Variants in PLCB4 observed in about 807,000 individuals in gnomAD.
PLCB4 encodes 1-phosphatidylinositol 4,5-bisphosphate phosphodiesterase beta-4.
In PLCB4, 77 loss-of-function variants were observed where a neutral mutation model predicts 178.8. That is an observed-to-expected ratio of 0.43 (90% CI 0.36 to 0.52). The LOEUF (loss-of-function observed/expected upper bound fraction) is 0.52. Ranked by LOEUF, PLCB4 falls within the 20% of genes least tolerant of loss-of-function variation. The pLI, the probability that PLCB4 is intolerant of heterozygous loss-of-function variation, is 0.00. For synonymous variants in PLCB4, 496 were observed against 490.8 expected (o/e 1.01, Z -0.14); for missense variants, 1,024 against 1,453.4 (o/e 0.70, Z 4.80).
chr20:9,123,211 T>TA (rs927510296), intron 2 of PLCB4, among the ~76,000 whole-genome samples: 2 of 152,082 alleles, frequency 1.3e-5, no homozygotes, highest in African/African-American at 4.8e-5. Flanking sequence ...TACAGTCTAT[T>TA]AAAAAAAGTA....
intron 2 of PLCB4, among the ~76,000 whole-genome samples, chr20:9,153,541 CTCCCTAACCATGTGGAACTGTA>C (rs982878284): frequency 2.0e-5 from 3 of 152,288 alleles, no homozygotes; most frequent in Admixed American, 6.5e-5. Context: ...ATTCTGAGGC[CTCCCTAACCATGTGGAACTGTA>C]AGTCCAATTA....
chr20:9,355,541 G>A (rs529552330), intron 7 of PLCB4, among the ~76,000 whole-genome samples: 16 of 151,910 alleles, frequency 1.1e-4, no homozygotes, highest in African/African-American at 2.7e-4. Context: ...GAGAACATTC[G>A]GTGTTTGGTT....
intron 2 of PLCB4, among the ~76,000 whole-genome samples, chr20:9,109,205 G>T (rs534080219): frequency 6.6e-6 from 1 of 152,274 alleles, no homozygotes; most frequent in South Asian, 2.1e-4. Flanking sequence ...AAAATGGTGT[G>T]GCTATAAGAG....
chr20:9,435,739 G>A, intron 29 of PLCB4, 91 bp downstream of exon 29: 1 of 736,410 alleles, frequency 1.4e-6, no homozygotes, highest in Non-Finnish European at 2.4e-6. Flanking sequence ...TAATGAATTA[G>A]CAAATTTAAG....
At chr20:9,194,038 T>A (rs543336151) in intron 2 of PLCB4, among the ~76,000 whole-genome samples, 5 of 152,310 alleles carry the variant, frequency 3.3e-5, no homozygotes, top group Non-Finnish European at 7.4e-5. Context: ...ATCACTCTTT[T>A]TATACACATT....
At chr20:9,088,002 G>T (rs2090509724) in intron 1 of PLCB4, among the ~76,000 whole-genome samples, 1 of 152,092 alleles carries the variant, frequency 6.6e-6, no homozygotes, top group African/African-American at 2.4e-5. Flanking sequence ...AGACCCCGAG[G>T]GCACAGCCTG....
intron 3 of PLCB4, among the ~76,000 whole-genome samples, chr20:9,250,522 TA>T (rs1167257694): frequency 2.0e-5 from 3 of 152,374 alleles, no homozygotes; most frequent in African/African-American, 7.2e-5. Flanking sequence ...TGTATAGTTC[TA>T]AATACATAAA....
At chr20:9,356,300 A>T (rs1448444064) in intron 7 of PLCB4, among the ~76,000 whole-genome samples, 2 of 152,184 alleles carry the variant, frequency 1.3e-5, no homozygotes, top group East Asian at 1.9e-4. Context: ...TAGTTTAATT[A>T]GATCCCATTT....
chr20:9,459,841 T>C, intron 35 of PLCB4, 31 bp downstream of exon 35: 1 of 1,497,090 alleles, frequency 6.7e-7, no homozygotes, highest in Non-Finnish European at 9.2e-7. Flanking sequence ...AGAGTAAACA[T>C]CTAATATTTA....
intron 15 of PLCB4, among the ~76,000 whole-genome samples, chr20:9,389,023 TTGCCC>T (rs2037914924): frequency 6.6e-6 from 1 of 152,160 alleles, no homozygotes; most frequent in Non-Finnish European, 1.5e-5. Flanking sequence ...ATGATGAGAT[TTGCCC>T]TGTGATTAGC....
chr20:9,214,343 CAT>C (rs1395583250), intron 2 of PLCB4, among the ~76,000 whole-genome samples: 1 of 152,054 alleles, frequency 6.6e-6, no homozygotes, highest in African/African-American at 2.4e-5. Context: ...TGTGAGATAC[CAT>C]ATGTGGTCTT....
intron 9 of PLCB4, 124 bp from the exon 10 acceptor site, chr20:9,371,090 G>T: frequency 1.5e-6 from 1 of 687,894 alleles, no homozygotes. Flanking sequence ...GCAATGAGAG[G>T]TAATTTTATT....
At chr20:9,443,843 C>G (rs2042248660) in intron 30 of PLCB4, 138 bp from the exon 31 acceptor site, 2 of 577,032 alleles carry the variant, frequency 3.5e-6, no homozygotes, top group East Asian at 5.8e-5. Flanking sequence ...GTAATAGGAA[C>G]TTAAGATGTT....
At chr20:9,149,242 G>A (rs938174054) in intron 2 of PLCB4, among the ~76,000 whole-genome samples, 8 of 152,052 alleles carry the variant, frequency 5.3e-5, no homozygotes, top group African/African-American at 9.7e-5. Flanking sequence ...TGATCTCCAC[G>A]GCTGTTGCCC....
At chr20:9,372,712 TTAA>T (rs905100558) in intron 11 of PLCB4, among the ~76,000 whole-genome samples, 1 of 152,182 alleles carries the variant, frequency 6.6e-6, no homozygotes, top group Non-Finnish European at 1.5e-5. Context: ...ATTTGGAATG[TTAA>T]TATGTTTTTG....
Position 9,464,719 on chromosome 20 carries a change from G to A in PLCB4, c.3249-3852G>A, listed in dbSNP as rs529017033. 2.0e-3 allele frequency among the ~76,000 whole-genome samples: 307 copies of A among 151,940 alleles called. 3 individuals are homozygous for A. In the South Asian group the frequency reaches 0.023, roughly 11 times the overall value. ...AATTCCTGGACACATACACCCTCCC[G>A]AGACTAAACCTGGAAGAAGTTGAAT... On this transcript the variant is annotated intron_variant, in intron 35 of 39. Coordinates refer to ENST00000378473, the MANE Select transcript of PLCB4 (RefSeq NM_001377142.1).
At chr20:9,295,265 C>T (rs1402188019) in intron 3 of PLCB4, among the ~76,000 whole-genome samples, 3 of 152,138 alleles carry the variant, frequency 2.0e-5, no homozygotes, top group African/African-American at 7.2e-5. Flanking sequence ...TGGCTAGCAC[C>T]TCCTACTAAG....
intron 32 of PLCB4, among the ~76,000 whole-genome samples, chr20:9,450,846 G>A (rs2042726585): frequency 6.6e-6 from 1 of 151,442 alleles, no homozygotes; most frequent in Non-Finnish European, 1.5e-5. Context: ...TTGGGTTTTT[G>A]CCATGTTAGC....
chr20:9,288,163 A>G (rs186174067), intron 3 of PLCB4, among the ~76,000 whole-genome samples: 5 of 152,222 alleles, frequency 3.3e-5, no homozygotes, highest in Admixed American at 2.6e-4. Context: ...ATATTCTTCA[A>G]CATTCTTGTA....
Sources: allele counts gnomAD v4.1 joint callset (sites outside exome capture counted in the v4.1 genomes callset), GRCh38; gene constraint gnomAD v4.1.1; transcripts MANE v1.5; gene names NCBI Gene and HGNC (gene_info 2026-07-23, HGNC 2026-07-21).